Variants in VPS37B observed in about 807,000 individuals in gnomAD.
VPS37B encodes VPS37B subunit of ESCRT-I, also known as vacuolar protein sorting-associated protein 37B.
VPS37B carries 11 observed loss-of-function variants against 21.2 expected under a neutral mutation model. The ratio of observed to expected loss-of-function variants is 0.52; its 90% confidence interval spans 0.33 to 0.86. VPS37B has a LOEUF of 0.86. Ranked by LOEUF, VPS37B falls within the 40% of genes least tolerant of loss-of-function variation. The pLI, the probability that VPS37B is intolerant of heterozygous loss-of-function variation, is 0.03. For synonymous variants in VPS37B, 175 were observed against 159.6 expected (o/e 1.10, Z -0.73); for missense variants, 389 against 374.8 (o/e 1.04, Z -0.31).
At position 122,868,800 on chromosome 12, in the gene VPS37B, T is replaced by C. The variant is rs1034748728; in HGVS notation, c.284-238A>G. Among the ~76,000 whole-genome samples the C allele has an allele frequency of 1.3e-5, 2 of 152,120 alleles. No individual in the cohort carries two copies. The highest frequency in any genetic ancestry group is 4.8e-5 in the African/African-American group (2 of 41,422). On this transcript the variant is annotated intron_variant, in intron 2 of 3. Coordinates refer to ENST00000267202, the MANE Select transcript of VPS37B (RefSeq NM_024667.3). The surrounding 1 kb of genome is among the most constrained non-coding windows in gnomAD (Gnocchi z 5.5). The stretch of plus-strand genomic sequence containing the variant: ...TGTTTTCAAATATGGGGCAGTGACA[T>C]TCTCATCATGCCACTTTGTATTTCC...
chr12:122,887,664 T>C (rs1249513460), intron 1 of VPS37B: 2 of 152,248 alleles, frequency 1.3e-5, no homozygotes, highest in Admixed American at 6.5e-5. Context: ...CCCCCACCAG[T>C]GTGTGGGCCT....
intron 1 of VPS37B, chr12:122,871,554 G>C: frequency 7.1e-6 from 7 of 985,754 alleles, no homozygotes; most frequent in Non-Finnish European, 8.4e-6. Flanking sequence ...AGAGACCCTG[G>C]GAAGGAACTG....
At chr12:122,876,399 A>C (rs1260476143) in intron 1 of VPS37B, 1 of 152,182 alleles carries the variant, frequency 6.6e-6, no homozygotes, top group Non-Finnish European at 1.5e-5. Flanking sequence ...TTACATTAAT[A>C]TATGTAACTC....
intron 1 of VPS37B, among the ~76,000 whole-genome samples, chr12:122,892,671 A>C (rs1255959816): frequency 3.3e-5 from 5 of 152,232 alleles, no homozygotes; most frequent in Non-Finnish European, 2.9e-5. Flanking sequence ...TAATCCCAGC[A>C]CTTTGGGAAA....
chr12:122,873,942 C>T (rs1222417952), intron 1 of VPS37B: 1 of 152,224 alleles, frequency 6.6e-6, no homozygotes, highest in East Asian at 1.9e-4. Context: ...AAAGCCAAGC[C>T]TGGCAAATAA....
rs1399983192 is a variant in VPS37B, at chr12:122,884,972, G to A, written c.111+10980C>T. 3.3e-5 allele frequency: 5 copies of A among 152,252 alleles called. No homozygotes were observed. In the East Asian group the frequency reaches 7.7e-4, roughly 23 times the overall value. The allele number at this position is 152,252 out of a possible 1,614,324, so 9.4% of individuals were successfully genotyped here. Reference sequence around the variant, plus strand: ...TGTTTTTACATTTAAAATACATCATGACATGAACTTTCCAACACCTGACCC... The same window carrying A: ...TGTTTTTACATTTAAAATACATCATAACATGAACTTTCCAACACCTGACCC... On this transcript the variant is annotated intron_variant, in intron 1 of 3. Coordinates refer to ENST00000267202, the MANE Select transcript of VPS37B (RefSeq NM_024667.3).
In VPS37B at chr12:122,870,921, A is replaced by G. The variant is rs775305381; in HGVS notation, c.252T>C (p.Phe84=). The G allele has an allele frequency of 2.5e-6, 4 of 1,614,124 alleles. No homozygotes were observed. Among genetic ancestry groups the G allele is most frequent in the Admixed American group, 1.7e-5 (1 of 60,020 alleles). The stretch of plus-strand genomic sequence containing the variant: ...TGGTCTTCTTTATCTGATAGGCTTC[A>G]AAGAGAACCTGGAGTTCCTGGTATT... ...TQKYQELQVL[F]EAYQIKKTKL... Residue 84 remains phenylalanine, a synonymous_variant, in exon 2 of 4, where the codon TTT becomes TTC. Transcript: ENST00000267202.
chr12:122,867,677 C>T lies in VPS37B; in HGVS notation c.367-70G>A. 1 of 1,592,426 alleles carries T rather than the reference C, an allele frequency of 6.3e-7. No individual in the cohort carries two copies. Among genetic ancestry groups the T allele is most frequent in the Non-Finnish European group, 8.5e-7 (1 of 1,174,856 alleles). ...GGATGCTCCCTTCGTGGTCTAGGCA[C>T]AAGGAGAGGCAACGCCCAGCTGCTT... On this transcript the variant is annotated intron_variant, in intron 3 of 3. Transcript: ENST00000267202. The surrounding 1 kb of genome is among the most constrained non-coding windows in gnomAD (Gnocchi z 5.5).
chr12:122,873,539 G>C (rs2135701350), intron 1 of VPS37B: 1 of 152,296 alleles, frequency 6.6e-6, no homozygotes, highest in Non-Finnish European at 1.5e-5. Context: ...CTGGGGTTAG[G>C]CACAGGGAAT....
chr12:122,866,144 C>G lies in VPS37B; in HGVS notation c.*972G>C, dbSNP rs1177066332. On this transcript the variant is annotated 3_prime_UTR_variant, in exon 4 of 4. Coordinates refer to ENST00000267202, the MANE Select transcript of VPS37B (RefSeq NM_024667.3). ...GCAGAGCCGGGGCCTTGCCCAGCCC[C>G]TAGCAGGTGTGAGTCCCGGCACCTG... The G allele has an allele frequency of 6.5e-6, 1 of 152,692 alleles. No homozygotes were observed. The highest frequency in any genetic ancestry group is 2.4e-5 in the African/African-American group (1 of 41,462). 9.5% of individuals were successfully genotyped at this position (152,692 alleles called of 1,614,324 possible).
At chr12:122,882,417 G>C (rs886740827) in intron 1 of VPS37B, 1 of 152,142 alleles carries the variant, frequency 6.6e-6, no homozygotes, top group Non-Finnish European at 1.5e-5. Context: ...CTTCTCAAAG[G>C]AATACTAGTT....
At chr12:122,888,249 T>C (rs188443963) in intron 1 of VPS37B, 78 of 234,594 alleles carry the variant, frequency 3.3e-4, no homozygotes, top group African/African-American at 1.7e-3. Flanking sequence ...AAGCCTTCCC[T>C]TGACACACTG....
At chr12:122,875,719 A>T (rs1159714639) in intron 1 of VPS37B, 1 of 152,270 alleles carries the variant, frequency 6.6e-6, no homozygotes, top group Non-Finnish European at 1.5e-5. Flanking sequence ...CCCAGATGGC[A>T]GCCACTCCGG....
chr12:122,890,849 C>T (rs961960374), intron 1 of VPS37B, among the ~76,000 whole-genome samples: 3 of 152,094 alleles, frequency 2.0e-5, no homozygotes, highest in African/African-American at 7.2e-5. Flanking sequence ...TAGTTTATTC[C>T]CAAATTATAA....
At chr12:122,871,741 C>G (rs962087342) in intron 1 of VPS37B, 3 of 975,498 alleles carry the variant, frequency 3.1e-6, no homozygotes, top group Non-Finnish European at 3.7e-6. Flanking sequence ...ACAGGCTACC[C>G]TGGTAGGTAG....
At chr12:122,876,978 T>G (rs1163606255) in intron 1 of VPS37B, 1 of 152,178 alleles carries the variant, frequency 6.6e-6, no homozygotes, top group Non-Finnish European at 1.5e-5. Context: ...ACTTCTACAA[T>G]GTGAAATTCT....
chr12:122,867,833 C>T lies in VPS37B; in HGVS notation c.367-226G>A, dbSNP rs1212116726. ...GACGACAGCCCTGCTGCGCACCCCA[C>T]CACCAGCGTGACAGGCAGAGGAGCT... On this transcript the variant is annotated intron_variant, in intron 3 of 3. Transcript: ENST00000267202. The surrounding 1 kb of genome is among the most constrained non-coding windows in gnomAD (Gnocchi z 5.5). Among the ~76,000 whole-genome samples the T allele has an allele frequency of 6.6e-6, 1 of 152,206 alleles. No individual in the cohort carries two copies. Among genetic ancestry groups the T allele is most frequent in the Non-Finnish European group, 1.5e-5 (1 of 68,030 alleles).
intron 1 of VPS37B, among the ~76,000 whole-genome samples, chr12:122,891,580 T>C (rs2034410954): frequency 6.6e-6 from 1 of 152,206 alleles, no homozygotes; most frequent in South Asian, 2.1e-4. Flanking sequence ...TGGAAAAGAT[T>C]TAAACGTAAA....
intron 1 of VPS37B, chr12:122,886,320 G>A (rs2135710227): frequency 6.6e-6 from 1 of 152,314 alleles, no homozygotes; most frequent in Middle Eastern, 3.4e-3. Context: ...CACTCTAGCA[G>A]AAGAAACAAA....
Sources: gnomAD v4.1 joint callset for allele counts (sites outside exome capture counted in the v4.1 genomes callset) on GRCh38, gnomAD v4.1.1 for gene constraint, Gnocchi (gnomAD v3.1) non-coding constraint, MANE v1.5 for transcripts, NCBI Gene and HGNC (gene_info 2026-07-23, HGNC 2026-07-21) for gene names.